Variants in ZNF699 observed in about 807,000 individuals in gnomAD.
ZNF699 encodes the protein zinc finger protein 699, also known as hangover homolog.
A neutral mutation model predicts 22.5 loss-of-function variants in ZNF699; 18 were observed. The ratio of observed to expected loss-of-function variants is 0.80; its 90% CI spans 0.55 to 1.19. The LOEUF (loss-of-function observed/expected upper bound fraction) is 1.19, where lower values mean the gene tolerates loss of function less well. ZNF699 is among the 50% of genes most tolerant of loss of function. ZNF699 has a pLI of 0.00. For synonymous variants in ZNF699, 241 were observed against 262.3 expected (o/e 0.92, Z 0.78); for missense variants, 670 against 763.4 (o/e 0.88, Z 1.44).
In ZNF699 at chr19:9,297,563, C is replaced by G; in HGVS notation, c.287-84G>C. The stretch of plus-strand genomic sequence containing the variant: ...TTCAGGACTTTGGTATTAATAGGCA[C>G]AAGGGTCAAAATGGTAAGCAATTAA... On this transcript the variant is annotated intron_variant, in intron 4 of 5. Coordinates refer to ENST00000591998, the MANE Select transcript of ZNF699 (RefSeq NM_198535.3). This position sits in a 1 kb window ranked among gnomAD's most constrained non-coding sequence, Gnocchi z 4.3. 9.2e-7 allele frequency: 1 copy of G among 1,087,000 alleles called. No individual in the cohort carries two copies. Among genetic ancestry groups the G allele is most frequent in the South Asian group, 1.7e-5 (1 of 59,922 alleles). 67.3% of individuals were successfully genotyped at this position (1,087,000 alleles called of 1,614,324 possible). A position where few individuals can be genotyped will look rare whatever the true frequency, so the allele number is the denominator to read the frequency against.
rs1014958401 is a variant in ZNF699, at chr19:9,291,247, A to G, written c.*4228T>C. Reference sequence around the variant, plus strand: ...TCAGGTTATTTTATAAAACCAATGCAATTACAGGCATAGTACCAAAAATTC... The same window carrying G: ...TCAGGTTATTTTATAAAACCAATGCGATTACAGGCATAGTACCAAAAATTC... On this transcript the variant is annotated 3_prime_UTR_variant, in exon 6 of 6. Coordinates refer to ENST00000591998, the MANE Select transcript of ZNF699 (RefSeq NM_198535.3). Among the ~76,000 whole-genome samples, 3 of 152,192 alleles carry G rather than the reference A, an allele frequency of 2.0e-5. No individual in the cohort carries two copies. The highest frequency in any genetic ancestry group is 7.2e-5 in the African/African-American group (3 of 41,462).
chr19:9,298,318 C>T (rs2066294783), intron 3 of ZNF699, among the ~76,000 whole-genome samples: 1 of 151,862 alleles, frequency 6.6e-6, no homozygotes, highest in South Asian at 2.1e-4. Flanking sequence ...TGGTGGAGCA[C>T]ACCTGTAATC....
At chr19:9,298,682 A>T (rs1443767422) in intron 3 of ZNF699, among the ~76,000 whole-genome samples, 1 of 152,180 alleles carries the variant, frequency 6.6e-6, no homozygotes, top group Non-Finnish European at 1.5e-5. Context: ...TTGTCTAAAG[A>T]CTTTATGCCA....
Position 9,297,472 on chromosome 19 carries a change from C to T in ZNF699, c.294G>A (p.Glu98=). Residue 98 remains glutamate (E), a synonymous_variant, in exon 5 of 6, where the codon GAG becomes GAA. Transcript: ENST00000591998. This position sits in a 1 kb window ranked among gnomAD's most constrained non-coding sequence, Gnocchi z 4.3. ...CTGATTCATTAGTTTTAAGTTGAGT[C>T]TCAAAACCTGAAACGAAAAAAAGTG... ...IFMGEHREGF[E]TQLKTNESVA... 2 of 1,560,182 alleles carry T rather than the reference C, an allele frequency of 1.3e-6. No homozygotes were observed. The highest frequency in any genetic ancestry group is 1.7e-6 in the Non-Finnish European group (2 of 1,163,246).
Position 9,295,340 on chromosome 19 carries a change from A to G in ZNF699, c.*135T>C. ...TGACTTACATACACAGGGTTTCTCT[A>G]AAGTGTCCTCAAATCTTCAAAACGA... On this transcript the variant is annotated 3_prime_UTR_variant, in exon 6 of 6. Transcript: ENST00000591998. The G allele has an allele frequency of 8.5e-7, 1 of 1,180,708 alleles. No homozygotes were observed. Among genetic ancestry groups the G allele is most frequent in the Non-Finnish European group, 1.2e-6 (1 of 846,262 alleles). 73.1% of individuals were successfully genotyped at this position (1,180,708 alleles called of 1,614,324 possible).
Position 9,305,123 on chromosome 19 carries a change from G to A in ZNF699, c.-4C>T, listed in dbSNP as rs371401026. ...CAGTTTTTCTTTCTTCCTCCATGTC[G>A]CCTTCATGAAGAAAAGCAGGATATT... On this transcript the variant is annotated splice_region_variant and 5_prime_UTR_variant, in exon 2 of 6. Coordinates refer to ENST00000591998, the MANE Select transcript of ZNF699 (RefSeq NM_198535.3). 40 of 1,612,264 alleles carry A rather than the reference G, an allele frequency of 2.5e-5. No individual in the cohort carries two copies. Among genetic ancestry groups the A allele is most frequent in the East Asian group, 4.5e-5 (2 of 44,798 alleles).
rs1178732062 is a variant in ZNF699, at chr19:9,292,170, C to T, written c.*3305G>A. Among the ~76,000 whole-genome samples the T allele has an allele frequency of 6.6e-6, 1 of 152,140 alleles. No individual in the cohort carries two copies. The highest frequency in any genetic ancestry group is 1.5e-5 in the Non-Finnish European group (1 of 68,026). On this transcript the variant is annotated 3_prime_UTR_variant, in exon 6 of 6. Coordinates refer to ENST00000591998, the MANE Select transcript of ZNF699 (RefSeq NM_198535.3). The stretch of plus-strand genomic sequence containing the variant: ...CATTACCACTGCTTTTAGATCCTAC[C>T]TGCCCACTCCTTCCTCCTCCCCTCT...
Position 9,297,048 on chromosome 19 carries a change from C to A in ZNF699, c.471-115G>T. 1.1e-6 allele frequency: 1 copy of A among 939,656 alleles called. No individual in the cohort carries two copies. The allele number at this position is 939,656 out of a possible 1,614,324, so 58.2% of individuals were successfully genotyped here. A position where few individuals can be genotyped will look rare whatever the true frequency, so the allele number is the denominator to read the frequency against. On this transcript the variant is annotated intron_variant, in intron 5 of 5. Transcript: ENST00000591998. This position sits in a 1 kb window ranked among gnomAD's most constrained non-coding sequence, Gnocchi z 4.3. ...CTGAAAGTTTTCACAGAGGGCTCTA[C>A]GACAGCCAATACTGTCACTGAGTTA...
At position 9,297,626 on chromosome 19, in the gene ZNF699, CTAATATAGT is replaced by C; in HGVS notation, c.287-156_287-148del. On this transcript the variant is annotated intron_variant, in intron 4 of 5. Coordinates refer to ENST00000591998, the MANE Select transcript of ZNF699 (RefSeq NM_198535.3). This position sits in a 1 kb window ranked among gnomAD's most constrained non-coding sequence, Gnocchi z 4.3. ...TTTATGAAGATTGAAACTAACATAA[CTAATATAGT>C]ATTAGGAGAACAAAACAGAAATTGG... 1.5e-6 allele frequency: 1 copy of C among 688,762 alleles called. No homozygotes were observed. The allele number at this position is 688,762 out of a possible 1,614,324, so 42.7% of individuals were successfully genotyped here.
chr19:9,304,854 C>T (rs902544925), intron 2 of ZNF699, among the ~76,000 whole-genome samples: 5 of 147,598 alleles, frequency 3.4e-5, no homozygotes, highest in African/African-American at 5.0e-5. Context: ...ACCAGGGAGT[C>T]GAAGGCTACA....
At position 9,292,886 on chromosome 19, in the gene ZNF699, G is replaced by A. The variant is rs1599248266; in HGVS notation, c.*2589C>T. On this transcript the variant is annotated 3_prime_UTR_variant, in exon 6 of 6. Transcript: ENST00000591998. Reference sequence around the variant, plus strand: ...GCAGTGGCTCACGCCTATAATCCCAGCACTTTGGGAGGCCGAGGTGGGCAG... The same window carrying A: ...GCAGTGGCTCACGCCTATAATCCCAACACTTTGGGAGGCCGAGGTGGGCAG... Among the ~76,000 whole-genome samples, 1 of 150,946 alleles carries A rather than the reference G, an allele frequency of 6.6e-6. No homozygotes were observed.
chr19:9,298,087 A>G lies in ZNF699; in HGVS notation c.176-97T>C. ...AAAACTTTAGTCTTCTGATATTCCA[A>G]AAATGGACAACTGTGAGTTTAACTG... On this transcript the variant is annotated intron_variant, in intron 3 of 5. Transcript: ENST00000591998. 5.6e-6 allele frequency: 4 copies of G among 713,478 alleles called. No homozygotes were observed. In the South Asian group the frequency reaches 8.1e-5, roughly 14 times the overall value. 44.2% of individuals were successfully genotyped at this position (713,478 alleles called of 1,614,324 possible).
intron 1 of ZNF699, among the ~76,000 whole-genome samples, chr19:9,308,859 C>T (rs1568347742): frequency 6.6e-6 from 1 of 152,152 alleles, no homozygotes; most frequent in Non-Finnish European, 1.5e-5. Flanking sequence ...TGACAGATGA[C>T]CAAATTTTCT....
intron 1 of ZNF699, among the ~76,000 whole-genome samples, chr19:9,305,904 G>A (rs569677585): frequency 3.3e-5 from 5 of 151,868 alleles, no homozygotes; most frequent in African/African-American, 4.8e-5. Flanking sequence ...GTGTTTCACC[G>A]TGTTAGCCAG....
rs2066280560 is a variant in ZNF699 at position 9,295,425 on chromosome 19, CAT to C, written c.*48_*49del. The C allele has an allele frequency of 1.3e-6, 2 of 1,544,062 alleles. No homozygotes were observed. The highest frequency in any genetic ancestry group is 2.3e-5 in the East Asian group (1 of 44,442). ...GGTGTCTCCACAGTATGAGATCTCA[CAT>C]GTTGCCTAGGATCTGAAGCTTTGCA... On this transcript the variant is annotated 3_prime_UTR_variant, in exon 6 of 6. Transcript: ENST00000591998.
Position 9,294,184 on chromosome 19 carries a change from C to A in ZNF699, c.*1291G>T, listed in dbSNP as rs2066276457. Reference sequence around the variant, plus strand: ...GCAATGCCAGAGCTTGCTAGAAAATCCAAGAAGCTGTATCTGGTGATAGCT... The same window carrying A: ...GCAATGCCAGAGCTTGCTAGAAAATACAAGAAGCTGTATCTGGTGATAGCT... On this transcript the variant is annotated 3_prime_UTR_variant, in exon 6 of 6. Coordinates refer to ENST00000591998, the MANE Select transcript of ZNF699 (RefSeq NM_198535.3). 1 of 152,330 alleles carries A rather than the reference C, an allele frequency of 6.6e-6. No homozygotes were observed. The highest frequency in any genetic ancestry group is 1.5e-5 in the Non-Finnish European group (1 of 68,036). The allele number at this position is 152,330 out of a possible 1,614,324, so 9.4% of individuals were successfully genotyped here. A position where few individuals can be genotyped will look rare whatever the true frequency, so the allele number is the denominator to read the frequency against.
At chr19:9,308,770 A>G (rs1324701703) in intron 1 of ZNF699, among the ~76,000 whole-genome samples, 1 of 152,258 alleles carries the variant, frequency 6.6e-6, no homozygotes, top group Admixed American at 6.5e-5. Context: ...CGGACATTGT[A>G]CTGGAGGTCC....
rs1027979603 is a variant in ZNF699, at chr19:9,297,509, G to A, written c.287-30C>T. On this transcript the variant is annotated intron_variant, in intron 4 of 5. Transcript: ENST00000591998. This position sits in a 1 kb window ranked among gnomAD's most constrained non-coding sequence, Gnocchi z 4.3. ...AACGAAAAAAAGTGAAAGCTTCCATGAGCCAAGGACTTTTAGCAGAGTGAC... is the reference window on the plus strand; with the variant it reads ...AACGAAAAAAAGTGAAAGCTTCCATAAGCCAAGGACTTTTAGCAGAGTGAC... 1 of 1,531,752 alleles carries A rather than the reference G, an allele frequency of 6.5e-7. No homozygotes were observed. The highest frequency in any genetic ancestry group is 8.7e-7 in the Non-Finnish European group (1 of 1,148,398). The allele number at this position is 1,531,752 out of a possible 1,614,324, so 94.9% of individuals were successfully genotyped here.
At chr19:9,307,685 A>C (rs942817775) in intron 1 of ZNF699, among the ~76,000 whole-genome samples, 1 of 152,134 alleles carries the variant, frequency 6.6e-6, no homozygotes, top group Non-Finnish European at 1.5e-5. Flanking sequence ...ACGGTGGCTC[A>C]CACCTGTAAT....
Sources: gnomAD v4.1 joint callset for allele counts (sites outside exome capture counted in the v4.1 genomes callset) on GRCh38, gnomAD v4.1.1 for gene constraint, Gnocchi (gnomAD v3.1) non-coding constraint, MANE v1.5 for transcripts, NCBI Gene and HGNC (gene_info 2026-07-23, HGNC 2026-07-21) for gene names.